The following STXBP4 variants were observed in gnomAD, a reference collection of about 807,000 sequenced individuals.
STXBP4 encodes the protein syntaxin binding protein 4.
In STXBP4, 55 loss-of-function variants were observed where a neutral mutation model predicts 76.1. The ratio of observed to expected loss-of-function variants is 0.72; its 90% CI spans 0.58 to 0.91. The LOEUF (loss-of-function observed/expected upper bound fraction) is 0.91. STXBP4 is among the 40% of genes least tolerant of loss of function. STXBP4 has a pLI of 0.00. For missense variants in STXBP4, 618 were observed against 636.9 expected (o/e 0.97, Z 0.32); for synonymous variants, 201 against 220.2 (o/e 0.91, Z 0.77).
chr17:55,159,745 T>G (rs1187394404), intron 17 of STXBP4, 52 bp from the exon 18 acceptor site: 1 of 1,231,966 alleles, frequency 8.1e-7, no homozygotes, highest in Admixed American at 1.7e-5. Flanking sequence ...CTTGCATGGA[T>G]GAGTAGAAGG....
At chr17:55,098,820 T>C (rs749571283) in intron 16 of STXBP4, among the ~76,000 whole-genome samples, 3 of 152,358 alleles carry the variant, frequency 2.0e-5, no homozygotes, top group African/African-American at 7.2e-5. Flanking sequence ...GTTTGTTTAC[T>C]TGTTTATTTT....
chr17:55,203,192 T>C, the STXBP4 span, among the ~76,000 whole-genome samples: 33,674 of 152,088 alleles, frequency 0.22, 4,349 homozygotes, highest in East Asian at 0.53. Flanking sequence ...AGCTAACTCC[T>C]AATCCTATCA....
At chr17:55,139,337 TAGA>T (rs1285055559) in intron 16 of STXBP4, among the ~76,000 whole-genome samples, 8 of 152,148 alleles carry the variant, frequency 5.3e-5, no homozygotes, top group African/African-American at 1.7e-4. Context: ...CTTAAGAAAT[TAGA>T]AGGACAGACA....
chr17:55,153,537 C>T (rs2080238931), intron 17 of STXBP4, among the ~76,000 whole-genome samples: 1 of 149,854 alleles, frequency 6.7e-6, no homozygotes, highest in Non-Finnish European at 1.5e-5. Flanking sequence ...ATAAACATAA[C>T]ATTAGAATCA....
intron 7 of STXBP4, among the ~76,000 whole-genome samples, chr17:55,003,027 A>G (rs896083741): frequency 6.6e-6 from 1 of 152,206 alleles, no homozygotes; most frequent in African/African-American, 2.4e-5. Context: ...TATAATAAGG[A>G]ATCTGTCACA....
At chr17:55,046,885 AAAGTATATTTAC>A (rs1324434727) in intron 11 of STXBP4, among the ~76,000 whole-genome samples, 192 bp from the exon 12 acceptor site, 1 of 151,988 alleles carries the variant, frequency 6.6e-6, no homozygotes, top group Non-Finnish European at 1.5e-5. Context: ...AAGGTAATAA[AAAGTATATTTAC>A]ATCACAATTT....
Position 55,081,116 on chromosome 17 carries a change from C to T in STXBP4, c.1422C>T (p.Ile474=). ...LTPLGRNGRS[I]PATLALESKE... ...CACTGGGAAGGAATGGACGTAGCATCCCAGCAACGCTGGCGCTTGAATCTA... is the reference window on the plus strand; with the variant it reads ...CACTGGGAAGGAATGGACGTAGCATTCCAGCAACGCTGGCGCTTGAATCTA... The change falls in exon 16 of 18, where the codon ATC becomes ATT. Residue 474 remains isoleucine (I), a synonymous_variant. Transcript: ENST00000376352. 1 of 1,557,106 alleles carries T rather than the reference C, an allele frequency of 6.4e-7. No homozygotes were observed. Among genetic ancestry groups the T allele is most frequent in the South Asian group, 1.2e-5 (1 of 82,642 alleles).
chr17:55,129,190 AG>A (rs1380111692), intron 16 of STXBP4, among the ~76,000 whole-genome samples: 1 of 151,942 alleles, frequency 6.6e-6, no homozygotes, highest in Non-Finnish European at 1.5e-5. Flanking sequence ...GGCCTCCCAA[AG>A]GGCTGGGATT....
At chr17:54,976,912 G>C (rs1295842476) in intron 1 of STXBP4, among the ~76,000 whole-genome samples, 2 of 152,062 alleles carry the variant, frequency 1.3e-5, no homozygotes, top group African/African-American at 4.8e-5. Flanking sequence ...CTTGCTACCT[G>C]TTGACCAACT....
chr17:55,000,981 T>C, intron 7 of STXBP4, 98 bp downstream of exon 7: 1 of 795,234 alleles, frequency 1.3e-6, no homozygotes, highest in South Asian at 1.8e-5. Flanking sequence ...AAGGGTGAAT[T>C]ATGTCTTTGT....
At chr17:55,147,654 A>T (rs2080172166) in intron 17 of STXBP4, among the ~76,000 whole-genome samples, 1 of 152,194 alleles carries the variant, frequency 6.6e-6, no homozygotes, top group Non-Finnish European at 1.5e-5. Flanking sequence ...ATTCTTTATC[A>T]CATAGGCAGT....
chr17:55,159,244 T>C (rs1567786448), intron 17 of STXBP4, among the ~76,000 whole-genome samples: 1 of 151,762 alleles, frequency 6.6e-6, no homozygotes, highest in Non-Finnish European at 1.5e-5. Context: ...GGACTCTGTC[T>C]CAAATACATA....
intron 12 of STXBP4, among the ~76,000 whole-genome samples, chr17:55,049,901 G>A (rs2078837292): frequency 6.6e-6 from 1 of 151,994 alleles, no homozygotes. Context: ...AGGCAAGATG[G>A]TTTCACAGAG....
the STXBP4 span, among the ~76,000 whole-genome samples, chr17:55,194,740 T>C: frequency 2.6e-5 from 4 of 152,314 alleles, no homozygotes; most frequent in Admixed American, 1.3e-4. Flanking sequence ...CTGAACCCTG[T>C]CCAGTGGAGA....
chr17:54,996,795 G>C (rs1407466924), intron 4 of STXBP4, among the ~76,000 whole-genome samples: 2 of 152,150 alleles, frequency 1.3e-5, no homozygotes, highest in Admixed American at 1.3e-4. Context: ...GGTATAATGA[G>C]TTAGTTAAGT....
the STXBP4 span, among the ~76,000 whole-genome samples, chr17:55,197,845 T>C: frequency 9.3e-4 from 142 of 152,278 alleles, no homozygotes; most frequent in Middle Eastern, 3.4e-3. Flanking sequence ...ACACCAAATG[T>C]TGGATTTCTT....
rs533625655 is a variant in STXBP4, at chr17:55,100,207, G to A, written c.1489+19024G>A. ...TCTACCAAAAGATACTAAAGAGGGTGTGATTGTTTAATTATGTACATATCT... is the reference window on the plus strand; with the variant it reads ...TCTACCAAAAGATACTAAAGAGGGTATGATTGTTTAATTATGTACATATCT... On this transcript the variant is annotated intron_variant, in intron 16 of 17. Transcript: ENST00000376352. Among the ~76,000 whole-genome samples the A allele has an allele frequency of 5.1e-4, 77 of 152,296 alleles. 1 individual carries two copies. The highest frequency in any genetic ancestry group is 1.4e-3 in the Admixed American group (21 of 15,288).
chr17:55,036,287 C>T (rs1047904335), intron 10 of STXBP4, among the ~76,000 whole-genome samples: 3 of 151,728 alleles, frequency 2.0e-5, no homozygotes, highest in East Asian at 3.9e-4. Flanking sequence ...GAAGAATCAA[C>T]GTCTTTATAA....
Position 55,171,787 on chromosome 17 carries a change from G to T in STXBP4, c.*11876G>T, listed in dbSNP as rs541327094. On this transcript the variant is annotated 3_prime_UTR_variant, in exon 18 of 18. Transcript: ENST00000376352. Reference sequence around the variant, plus strand: ...ATGGAACCCTCCCTCCCCCGCCCCTGGGGCCTTCAGAGGGAGCGGTGCCCA... The same window carrying T: ...ATGGAACCCTCCCTCCCCCGCCCCTTGGGCCTTCAGAGGGAGCGGTGCCCA... The T allele has an allele frequency of 1.3e-5, 2 of 152,354 alleles. No homozygotes were observed. The highest frequency in any genetic ancestry group is 4.1e-4 in the South Asian group (2 of 4,830). The allele number at this position is 152,354 out of a possible 1,614,324, so 9.4% of individuals were successfully genotyped here.
Sources: gnomAD v4.1 joint callset for allele counts (sites outside exome capture counted in the v4.1 genomes callset) on GRCh38, gnomAD v4.1.1 for gene constraint, MANE v1.5 for transcripts, NCBI Gene and HGNC (gene_info 2026-07-23, HGNC 2026-07-21) for gene names.